RARB: variants seen among roughly 807,000 people sequenced by gnomAD.
RARB encodes the protein retinoic acid receptor beta, also known as HBV-activated protein.
A neutral mutation model predicts 51.9 loss-of-function variants in RARB; 17 were observed. The observed-to-expected ratio is 0.33, with a 90% CI of 0.22 to 0.49. The LOEUF is 0.49. Ranked by LOEUF, RARB falls within the 20% of genes least tolerant of loss-of-function variation. The probability of loss-of-function intolerance (pLI) is 0.99; values close to 1 mark genes in which losing one functional copy is unlikely to be tolerated. For synonymous variants in RARB, 215 were observed against 195.4 expected, an observed-to-expected ratio of 1.10 and a Z score of -0.84; for missense variants, 369 against 550.8, an observed-to-expected ratio of 0.67 and a Z score of 3.30.
chr3:25,081,611 ATATATATATATTTTTTTTTT>A, intron 3 of RARB, among the ~76,000 whole-genome samples: 1 of 10,348 alleles, frequency 9.7e-5, no homozygotes, highest in African/African-American at 4.1e-4. Context: ...ATATATATAT[ATATATATATATTTTTTTTTT>A]TTTTTTTTTT....
At chr3:24,919,658 G>A (rs1695179101) in intron 2 of RARB, among the ~76,000 whole-genome samples, 1 of 152,192 alleles carries the variant, frequency 6.6e-6, no homozygotes, top group South Asian at 2.1e-4. Context: ...TGTTTAGTAG[G>A]ATTTGTCTAA....
intron 2 of RARB, among the ~76,000 whole-genome samples, chr3:25,001,197 AAAAT>A (rs547942878): frequency 5.8e-4 from 89 of 152,274 alleles, no homozygotes; most frequent in South Asian, 1.0e-3. Context: ...AACACTGCTT[AAAAT>A]AAATAAATAA....
At chr3:24,913,695 C>G (rs1392318590) in intron 2 of RARB, among the ~76,000 whole-genome samples, 2 of 152,060 alleles carry the variant, frequency 1.3e-5, no homozygotes, top group African/African-American at 2.4e-5. Flanking sequence ...TGAGTCTGTT[C>G]AATAGCCAAC....
intron 3 of RARB, among the ~76,000 whole-genome samples, chr3:25,073,824 A>G (rs1355487940): frequency 1.3e-5 from 2 of 149,080 alleles, no homozygotes; most frequent in African/African-American, 5.1e-5. Flanking sequence ...TTGGGAAACA[A>G]TAGTGACTTT....
intron 5 of RARB, among the ~76,000 whole-genome samples, chr3:25,278,984 AG>A (rs1482349365): frequency 1.3e-5 from 2 of 152,214 alleles, no homozygotes; most frequent in African/African-American, 4.8e-5. Context: ...AAGATTGTGC[AG>A]CAGTGGGGAT....
chr3:25,504,728 C>G (rs17016566), intron 3 of RARB, among the ~76,000 whole-genome samples: 19,662 of 150,434 alleles, frequency 0.13, 1,973 homozygotes, highest in African/African-American at 0.28. Context: ...TAATAGCTAA[C>G]TGGACAGGGT....
chr3:25,491,908 T>A (rs1410804661), intron 2 of RARB, among the ~76,000 whole-genome samples: 2 of 150,810 alleles, frequency 1.3e-5, no homozygotes, highest in Admixed American at 1.3e-4. Flanking sequence ...ACCGCTGTAC[T>A]CCAGCCTGGG....
At chr3:24,993,244 CA>C (rs999430688) in intron 2 of RARB, among the ~76,000 whole-genome samples, 3 of 152,054 alleles carry the variant, frequency 2.0e-5, no homozygotes, top group African/African-American at 4.8e-5. Flanking sequence ...TATGTTTTGA[CA>C]ACCTTTTACA....
chr3:25,220,380 A>C (rs898793471), intron 5 of RARB, among the ~76,000 whole-genome samples: 5 of 152,220 alleles, frequency 3.3e-5, no homozygotes, highest in Admixed American at 6.5e-5. Context: ...TTATTTTTGG[A>C]GAAGGCATGA....
chr3:25,588,329 T>C (rs1701482475), intron 5 of RARB, among the ~76,000 whole-genome samples: 1 of 152,232 alleles, frequency 6.6e-6, no homozygotes, highest in Non-Finnish European at 1.5e-5. Flanking sequence ...GGAATATAGG[T>C]CAAATAATGG....
At chr3:25,074,439 C>A (rs1698830527) in intron 3 of RARB, among the ~76,000 whole-genome samples, 1 of 152,126 alleles carries the variant, frequency 6.6e-6, no homozygotes, top group African/African-American at 2.4e-5. Context: ...CCTAGGAATT[C>A]TCCACTTCTC....
At chr3:25,475,860 C>A (rs927339604) in intron 2 of RARB, among the ~76,000 whole-genome samples, 2 of 152,298 alleles carry the variant, frequency 1.3e-5, no homozygotes, top group South Asian at 4.2e-4. Flanking sequence ...CCTAACTCTT[C>A]CCATTTTAGT....
chr3:25,106,562 C>T (rs1464003498), intron 3 of RARB, among the ~76,000 whole-genome samples: 2 of 150,516 alleles, frequency 1.3e-5, no homozygotes, highest in Non-Finnish European at 3.0e-5. Context: ...CTCATCCTCC[C>T]AAAGTGCTGG....
chr3:24,833,720 C>G (rs1702309563), intron 1 of RARB, among the ~76,000 whole-genome samples: 1 of 152,204 alleles, frequency 6.6e-6, no homozygotes, highest in African/African-American at 2.4e-5. Context: ...TATTCCTTTG[C>G]CTCAATTATT....
chr3:24,894,296 T>A (rs549321443), intron 2 of RARB, among the ~76,000 whole-genome samples: 2 of 124,882 alleles, frequency 1.6e-5, no homozygotes, highest in Admixed American at 1.8e-4. Context: ...CTCTCTACCA[T>A]CTAGTGGCCC....
At chr3:25,467,330 C>G (rs776594386) in intron 2 of RARB, among the ~76,000 whole-genome samples, 1 of 152,254 alleles carries the variant, frequency 6.6e-6, no homozygotes, top group South Asian at 2.1e-4. Context: ...GATAGGTCTT[C>G]TTGTCTTGGC....
rs118091182 is a variant in RARB at position 25,408,609 on chromosome 3, T to C, written c.179-52584T>C. On this transcript the variant is annotated intron_variant, in intron 5 of 11. Coordinates refer to the RARB transcript ENST00000383772. Reference sequence around the variant, plus strand: ...AGTGACCACAAGAAAATTGGAGTTATGATTTATGCAAGGTTTCCAGTACTA... The same window carrying C: ...AGTGACCACAAGAAAATTGGAGTTACGATTTATGCAAGGTTTCCAGTACTA... 4.5e-4 allele frequency among the ~76,000 whole-genome samples: 69 copies of C among 152,308 alleles called. No homozygotes were observed. In the East Asian group the frequency reaches 9.6e-3, roughly 21 times the overall value.
At chr3:25,080,355 C>T (rs772958968) in intron 3 of RARB, among the ~76,000 whole-genome samples, 4 of 152,150 alleles carry the variant, frequency 2.6e-5, no homozygotes, top group African/African-American at 9.7e-5. Context: ...TCAGATATTT[C>T]CACATTTTAG....
chr3:25,336,069 G>GA (rs1255174007), intron 5 of RARB, among the ~76,000 whole-genome samples: 10,022 of 131,864 alleles, frequency 0.076, 375 homozygotes, highest in African/African-American at 0.11. Flanking sequence ...ACTGGGGAGG[G>GA]AAAAAAAAAA....
Sources: allele counts gnomAD v4.1 joint callset (sites outside exome capture counted in the v4.1 genomes callset), GRCh38; gene constraint gnomAD v4.1.1; transcripts MANE v1.5; gene names NCBI Gene and HGNC (gene_info 2026-07-23, HGNC 2026-07-21).